GRIP1: variants seen among roughly 807,000 people sequenced by gnomAD.
GRIP1 encodes glutamate receptor interacting protein 1, also known as glutamate receptor-interacting protein 1.
GRIP1 carries 45 observed loss-of-function variants against 129.9 expected under a neutral mutation model. The ratio of observed to expected loss-of-function variants is 0.35; its 90% CI spans 0.27 to 0.44. GRIP1 has a LOEUF of 0.44. GRIP1 is among the 20% of genes least tolerant of loss of function. The probability of loss-of-function intolerance (pLI) is 1.00; values close to 1 mark genes in which losing one functional copy is unlikely to be tolerated. For missense variants in GRIP1, 1,196 were observed against 1,396.8 expected, an observed-to-expected ratio of 0.86 and a Z score of 2.29; for synonymous variants, 530 against 520.8, an observed-to-expected ratio of 1.02 and a Z score of -0.24.
chr12:66,922,914 G>A (rs2041236448), intron 1 of GRIP1, among the ~76,000 whole-genome samples: 1 of 152,104 alleles, frequency 6.6e-6, no homozygotes, highest in South Asian at 2.1e-4. Flanking sequence ...TGTGCTGAAT[G>A]CACTATACAT....
At chr12:67,060,798 T>G (rs1184962725) in intron 1 of GRIP1, among the ~76,000 whole-genome samples, 1 of 134,164 alleles carries the variant, frequency 7.5e-6, no homozygotes, top group Non-Finnish European at 1.5e-5. Flanking sequence ...CACTCCAGCC[T>G]GGGCAACAAG....
At chr12:66,723,201 C>T (rs1471145046) in intron 1 of GRIP1, among the ~76,000 whole-genome samples, 2 of 79,874 alleles carry the variant, frequency 2.5e-5, no homozygotes, top group East Asian at 3.9e-4. Flanking sequence ...TTTTCATCTT[C>T]TTTTCTTTCT....
chr12:66,678,294 G>A (rs556565176), intron 1 of GRIP1, among the ~76,000 whole-genome samples: 1 of 152,084 alleles, frequency 6.6e-6, no homozygotes, highest in East Asian at 1.9e-4. Context: ...TAAACTTCTA[G>A]TATTACATAG....
At chr12:66,823,093 C>T (rs2039348544) in intron 1 of GRIP1, among the ~76,000 whole-genome samples, 1 of 152,200 alleles carries the variant, frequency 6.6e-6, no homozygotes, top group South Asian at 2.1e-4. Context: ...ACCCTACTAA[C>T]TGCATGACCT....
At chr12:66,955,033 G>T (rs1027866160) in intron 1 of GRIP1, among the ~76,000 whole-genome samples, 1 of 152,090 alleles carries the variant, frequency 6.6e-6, no homozygotes, top group Non-Finnish European at 1.5e-5. Context: ...CATTTAAGGG[G>T]GTGGTGATAT....
At chr12:66,724,461 T>C (rs2036189760) in intron 1 of GRIP1, among the ~76,000 whole-genome samples, 1 of 152,198 alleles carries the variant, frequency 6.6e-6, no homozygotes, top group East Asian at 1.9e-4. Flanking sequence ...TTTCATCAAA[T>C]ACATCATAGA....
intron 1 of GRIP1, among the ~76,000 whole-genome samples, chr12:66,992,820 G>A (rs992480362): frequency 6.6e-6 from 1 of 152,090 alleles, no homozygotes; most frequent in Admixed American, 6.5e-5. Flanking sequence ...ATAACCAATG[G>A]GTCAAAAAAA....
chr12:66,820,018 A>G (rs2039290458), intron 1 of GRIP1, among the ~76,000 whole-genome samples: 1 of 152,242 alleles, frequency 6.6e-6, no homozygotes, highest in African/African-American at 2.4e-5. Flanking sequence ...ACCTTACTTT[A>G]GTGAGCTTTA....
chr12:66,767,212 T>C (rs1271006854), intron 1 of GRIP1, among the ~76,000 whole-genome samples: 2 of 152,216 alleles, frequency 1.3e-5, no homozygotes, highest in Non-Finnish European at 2.9e-5. Flanking sequence ...TTTAAAATAC[T>C]ATTTTTTGCC....
intron 7 of GRIP1, among the ~76,000 whole-genome samples, chr12:66,496,871 G>C (rs77596920): frequency 1.3e-5 from 1 of 77,530 alleles, no homozygotes; most frequent in Non-Finnish European, 2.9e-5. Context: ...AAAAGAAAGA[G>C]AGAGGATAGG....
chr12:66,875,440 A>T (rs1395095830), intron 1 of GRIP1, among the ~76,000 whole-genome samples: 1 of 152,090 alleles, frequency 6.6e-6, no homozygotes, highest in Admixed American at 6.6e-5. Context: ...ACATAGCTGC[A>T]AAATCCCATC....
At chr12:66,980,093 A>T (rs2042221802) in intron 1 of GRIP1, among the ~76,000 whole-genome samples, 1 of 152,192 alleles carries the variant, frequency 6.6e-6, no homozygotes, top group Admixed American at 6.5e-5. Flanking sequence ...AGACAGCCAG[A>T]ACAGAAGACT....
chr12:66,617,007 A>T (rs1205901957), intron 1 of GRIP1, among the ~76,000 whole-genome samples: 1 of 151,824 alleles, frequency 6.6e-6, no homozygotes, highest in South Asian at 2.1e-4. Flanking sequence ...TCTGTTCCTG[A>T]GAGGGAAGGC....
At chr12:67,054,615 T>G (rs1359589558) in intron 1 of GRIP1, among the ~76,000 whole-genome samples, 2 of 151,700 alleles carry the variant, frequency 1.3e-5, no homozygotes, top group Non-Finnish European at 2.9e-5. Flanking sequence ...AATACAAAAA[T>G]TAGTCAGCCA....
intron 23 of GRIP1, among the ~76,000 whole-genome samples, chr12:66,363,694 G>A (rs1310516493): frequency 6.6e-6 from 1 of 151,990 alleles, no homozygotes; most frequent in African/African-American, 2.4e-5. Flanking sequence ...CGATGTGGAT[G>A]AACCTAGAGG....
intron 1 of GRIP1, among the ~76,000 whole-genome samples, chr12:66,778,020 A>G (rs1310945055): frequency 2.6e-5 from 4 of 152,126 alleles, no homozygotes; most frequent in African/African-American, 9.7e-5. Context: ...ATACACACCA[A>G]ATTTTGAAGA....
chr12:66,823,034 C>T (rs778524890), intron 1 of GRIP1, among the ~76,000 whole-genome samples: 1 of 152,124 alleles, frequency 6.6e-6, no homozygotes, highest in African/African-American at 2.4e-5. Flanking sequence ...GCTAGTAACA[C>T]AGAAATAGGT....
At chr12:66,354,961 C>T (rs551904893) in intron 23 of GRIP1, among the ~76,000 whole-genome samples, 1 of 152,166 alleles carries the variant, frequency 6.6e-6, no homozygotes, top group South Asian at 2.1e-4. Context: ...GGTTATGTAC[C>T]CGCTCAAGGC....
chr12:66,969,591 T>A (rs540160691), intron 1 of GRIP1, among the ~76,000 whole-genome samples: 6 of 152,192 alleles, frequency 3.9e-5, no homozygotes, highest in Admixed American at 6.5e-5. Context: ...TAATTTTTTT[T>A]ATTTTTTTAG....
Sources: gnomAD v4.1 joint callset for allele counts (sites outside exome capture counted in the v4.1 genomes callset) on GRCh38, gnomAD v4.1.1 for gene constraint, MANE v1.5 for transcripts, NCBI Gene and HGNC (gene_info 2026-07-23, HGNC 2026-07-21) for gene names.